Variants in PCDH9 observed in about 807,000 individuals in gnomAD.
PCDH9 encodes protocadherin 9.
Under a neutral mutation model 70.6 loss-of-function variants are expected in PCDH9, and 24 were observed. The observed-to-expected ratio is 0.34, with a 90% CI of 0.25 to 0.48. The LOEUF is 0.48. Ranked by LOEUF, PCDH9 falls within the 20% of genes least tolerant of loss-of-function variation. The pLI is 0.99. For missense variants in PCDH9, 1,281 were observed against 1,503.6 expected, an observed-to-expected ratio of 0.85 and a Z score of 2.45; for synonymous variants, 562 against 558.5, an observed-to-expected ratio of 1.01 and a Z score of -0.09.
chr13:66,413,966 G>A (rs1957418601), intron 4 of PCDH9, among the ~76,000 whole-genome samples: 1 of 151,850 alleles, frequency 6.6e-6, no homozygotes, highest in Non-Finnish European at 1.5e-5. Flanking sequence ...TTCAAATGTG[G>A]TTCTTTTTCT....
chr13:67,070,804 G>T (rs950543321), intron 2 of PCDH9, among the ~76,000 whole-genome samples: 3 of 152,088 alleles, frequency 2.0e-5, no homozygotes, highest in Non-Finnish European at 1.5e-5. Flanking sequence ...TAATAATTAT[G>T]TAAGTTGATT....
At chr13:66,958,162 T>C (rs182939548) in intron 2 of PCDH9, among the ~76,000 whole-genome samples, 83 of 152,206 alleles carry the variant, frequency 5.5e-4, no homozygotes, top group East Asian at 3.9e-4. Flanking sequence ...AAAAGTGAAT[T>C]TGACGGAGCG....
chr13:66,774,729 G>T (rs771702361), intron 3 of PCDH9, among the ~76,000 whole-genome samples: 1 of 152,030 alleles, frequency 6.6e-6, no homozygotes, highest in Non-Finnish European at 1.5e-5. Context: ...CATTAAAGTG[G>T]CCTCCATTCA....
chr13:67,205,509 A>G (rs889637120), intron 2 of PCDH9: 2 of 152,212 alleles, frequency 1.3e-5, no homozygotes, highest in Non-Finnish European at 2.9e-5. Context: ...AGTGTTTGTA[A>G]TTGAAAGTCA....
intron 3 of PCDH9, among the ~76,000 whole-genome samples, chr13:66,648,389 G>T (rs867974455): frequency 2.6e-5 from 4 of 152,208 alleles, no homozygotes; most frequent in Non-Finnish European, 5.9e-5. Flanking sequence ...TCAGGAGAAA[G>T]TAAGGGAAGA....
chr13:67,061,502 A>G (rs1451199503), intron 2 of PCDH9, among the ~76,000 whole-genome samples: 2 of 152,128 alleles, frequency 1.3e-5, no homozygotes. Context: ...ACTGGCAAGA[A>G]GCACATTTGA....
intron 4 of PCDH9, among the ~76,000 whole-genome samples, chr13:66,367,643 C>T (rs182283552): frequency 6.6e-6 from 1 of 152,170 alleles, no homozygotes; most frequent in Non-Finnish European, 1.5e-5. Context: ...AATAAAATGG[C>T]AAGCATAGGG....
At chr13:66,398,314 T>C (rs923155762) in intron 4 of PCDH9, among the ~76,000 whole-genome samples, 4 of 152,144 alleles carry the variant, frequency 2.6e-5, no homozygotes, top group African/African-American at 9.7e-5. Flanking sequence ...ACACATTCAA[T>C]GCATGTATTT....
intron 4 of PCDH9, among the ~76,000 whole-genome samples, chr13:66,453,633 A>T (rs982871663): frequency 3.3e-5 from 5 of 152,126 alleles, no homozygotes; most frequent in Admixed American, 2.0e-4. Context: ...CACTGTGGAC[A>T]CCCATGGGGA....
chr13:66,524,173 A>C (rs2138616901), intron 4 of PCDH9, among the ~76,000 whole-genome samples: 1 of 152,250 alleles, frequency 6.6e-6, no homozygotes, highest in East Asian at 1.9e-4. Flanking sequence ...TTATTTAGTT[A>C]AAATCAAATA....
intron 4 of PCDH9, among the ~76,000 whole-genome samples, chr13:66,550,391 T>C (rs2138678454): frequency 6.6e-6 from 1 of 152,276 alleles, no homozygotes; most frequent in Non-Finnish European, 1.5e-5. Context: ...GGTTTTTCCC[T>C]AATATCTCTT....
intron 3 of PCDH9, among the ~76,000 whole-genome samples, chr13:66,666,425 G>C (rs2139028660): frequency 9.4e-6 from 1 of 105,908 alleles, no homozygotes; most frequent in African/African-American, 3.8e-5. Context: ...CTGATGTTCT[G>C]TGTTTTTTTT....
At chr13:66,820,884 T>G (rs1236520239) in intron 3 of PCDH9, among the ~76,000 whole-genome samples, 1 of 152,088 alleles carries the variant, frequency 6.6e-6, no homozygotes, top group Non-Finnish European at 1.5e-5. Flanking sequence ...AAATAACTAA[T>G]GGGTATTAGG....
chr13:67,225,060 C>G (rs1435639991), intron 2 of PCDH9: 1 of 1,123,216 alleles, frequency 8.9e-7, no homozygotes, highest in Admixed American at 4.5e-5. Context: ...AGTCTTGAAG[C>G]AGTCAATTTG....
chr13:67,192,621 G>T (rs1566486800), intron 2 of PCDH9, among the ~76,000 whole-genome samples: 1 of 152,096 alleles, frequency 6.6e-6, no homozygotes, highest in Non-Finnish European at 1.5e-5. Context: ...TATTAGAAAG[G>T]ATCTGGGTTA....
intron 4 of PCDH9, among the ~76,000 whole-genome samples, chr13:66,493,600 A>G (rs1412047199): frequency 2.6e-5 from 4 of 152,182 alleles, no homozygotes; most frequent in Non-Finnish European, 1.5e-5. Context: ...ACTGAACATC[A>G]TAAGTAGTTA....
At chr13:66,702,522 T>A (rs907435281) in intron 3 of PCDH9, among the ~76,000 whole-genome samples, 14 of 152,204 alleles carry the variant, frequency 9.2e-5, no homozygotes, top group African/African-American at 3.4e-4. Flanking sequence ...TTAATAATAC[T>A]GTATTTTGCA....
At chr13:66,987,187 T>C (rs565613337) in intron 2 of PCDH9, among the ~76,000 whole-genome samples, 27 of 152,064 alleles carry the variant, frequency 1.8e-4, no homozygotes, top group Non-Finnish European at 3.7e-4. Flanking sequence ...TTCCATTTTA[T>C]TTATTCAATA....
intron 2 of PCDH9, among the ~76,000 whole-genome samples, chr13:66,990,434 A>G (rs935887656): frequency 2.0e-4 from 30 of 151,386 alleles, no homozygotes; most frequent in African/African-American, 7.3e-4. Flanking sequence ...AGATACATAT[A>G]CATATACATA....
Sources: gnomAD v4.1 joint callset for allele counts (sites outside exome capture counted in the v4.1 genomes callset) on GRCh38, gnomAD v4.1.1 for gene constraint, MANE v1.5 for transcripts, NCBI Gene and HGNC (gene_info 2026-07-23, HGNC 2026-07-21) for gene names.